Variants in ANKRD11 observed in about 807,000 individuals in gnomAD.
ANKRD11 encodes ankyrin repeat domain 11, also known as ankyrin repeat domain-containing protein 11.
ANKRD11 carries 17 observed loss-of-function variants against 195.7 expected under a neutral mutation model. That is an observed-to-expected ratio of 0.09 (90% CI 0.06 to 0.13). The LOEUF (loss-of-function observed/expected upper bound fraction) is 0.13. ANKRD11 is among the 10% of genes least tolerant of loss of function. The pLI is 1.00. For missense variants in ANKRD11, 3,735 were observed against 3,566.1 expected (o/e 1.05, Z -1.21); for synonymous variants, 1,953 against 1,528.1 (o/e 1.28, Z -6.49).
intron 4 of ANKRD11, chr16:89,301,354 T>C (rs996649167): frequency 1.0e-5 from 4 of 391,960 alleles, no homozygotes; most frequent in African/African-American, 2.1e-5. Flanking sequence ...AGATATCATA[T>C]AATTTAATAT....
At chr16:89,404,456 G>A (rs781639321) in intron 2 of ANKRD11, among the ~76,000 whole-genome samples, 39 of 152,306 alleles carry the variant, frequency 2.6e-4, no homozygotes, top group Non-Finnish European at 5.0e-4. Context: ...GCTTTTAAAG[G>A]ATTAATAGCC....
chr16:89,296,318 G>A (rs890342343), intron 4 of ANKRD11, among the ~76,000 whole-genome samples: 1 of 152,056 alleles, frequency 6.6e-6, no homozygotes, highest in Admixed American at 6.5e-5. Flanking sequence ...TGGAGCCACC[G>A]TCTCCCTGCC....
chr16:89,314,267 A>AAAC (rs911359361), intron 3 of ANKRD11, among the ~76,000 whole-genome samples: 11 of 146,958 alleles, frequency 7.5e-5, no homozygotes, highest in African/African-American at 2.7e-4. Flanking sequence ...ACAAACAAAC[A>AAAC]AACAACAACA....
At chr16:89,275,042 C>T in intron 10 of ANKRD11, 51 bp downstream of exon 10, 2 of 1,612,744 alleles carry the variant, frequency 1.2e-6, no homozygotes, top group Non-Finnish European at 1.7e-6. Flanking sequence ...GGGGCCTGCG[C>T]CGTGAAAAGC....
At chr16:89,293,515 G>A (rs970619336) in intron 4 of ANKRD11, among the ~76,000 whole-genome samples, 3 of 149,934 alleles carry the variant, frequency 2.0e-5, no homozygotes, top group African/African-American at 7.4e-5. Flanking sequence ...GCTGCAGAGC[G>A]AGGAGGCGGG....
At chr16:89,421,643 G>T (rs1224288856) in intron 1 of ANKRD11, among the ~76,000 whole-genome samples, 11 of 109,832 alleles carry the variant, frequency 1.0e-4, no homozygotes, top group African/African-American at 3.3e-4. Flanking sequence ...CTGGGGGCGG[G>T]GGTGAGACAC....
chr16:89,438,596 G>T (rs2043315166), intron 1 of ANKRD11, among the ~76,000 whole-genome samples: 1 of 152,100 alleles, frequency 6.6e-6, no homozygotes, highest in African/African-American at 2.4e-5. Flanking sequence ...GCCTCCCAAA[G>T]TGCTGGGATT....
intron 9 of ANKRD11, chr16:89,277,872 G>T (rs757365737): frequency 2.6e-5 from 4 of 155,582 alleles, no homozygotes; most frequent in Non-Finnish European, 4.3e-5. Flanking sequence ...TCACCAGGGG[G>T]GTGCTGGGTA....
At chr16:89,449,376 AAC>A (rs1197163799) in intron 1 of ANKRD11, among the ~76,000 whole-genome samples, 2 of 152,114 alleles carry the variant, frequency 1.3e-5, no homozygotes, top group African/African-American at 4.8e-5. Context: ...GAAAAAAAGA[AAC>A]ACAGACATGG....
Position 89,283,903 on chromosome 16 carries a change from G to A in ANKRD11, c.2639C>T (p.Thr880Met). The stretch of plus-strand genomic sequence containing the variant: ...CCTCTCCTTGCTGTCCTCCTTCACC[G>A]TCTCCAAGATGAGCTTGGCCACAGA... ...SDSVAKLILE[T>M]VKEDSKERRR... Residue 880 changes from threonine (T) to methionine (M), a missense_variant, in exon 9 of 13, where the codon ACG becomes ATG. Physicochemically the swap from Thr to Met is moderately conservative, Grantham distance 81. Transcript: ENST00000301030. This position sits in a 1 kb window ranked among gnomAD's most constrained non-coding sequence, Gnocchi z 4.3. 4 of 1,614,014 alleles carry A rather than the reference G, an allele frequency of 2.5e-6. No homozygotes were observed. Among genetic ancestry groups the A allele is most frequent in the South Asian group, 1.1e-5 (1 of 91,068 alleles).
chr16:89,477,448 T>C (rs976549762), intron 1 of ANKRD11, among the ~76,000 whole-genome samples: 1 of 151,912 alleles, frequency 6.6e-6, no homozygotes, highest in South Asian at 2.1e-4. Context: ...CTCCACCTCC[T>C]GGGTTCAACC....
chr16:89,454,285 C>CA (rs1384108718), intron 1 of ANKRD11, among the ~76,000 whole-genome samples: 1 of 152,126 alleles, frequency 6.6e-6, no homozygotes, highest in African/African-American at 2.4e-5. Context: ...GCCTGGGACA[C>CA]AGGGGCAGAT....
chr16:89,314,890 G>T (rs1437055827), intron 3 of ANKRD11, among the ~76,000 whole-genome samples: 1 of 152,146 alleles, frequency 6.6e-6, no homozygotes, highest in African/African-American at 2.4e-5. Flanking sequence ...CGCAGGCCAG[G>T]TTCACTCAGC....
chr16:89,466,655 T>G (rs1288023599), intron 1 of ANKRD11, among the ~76,000 whole-genome samples: 1 of 152,080 alleles, frequency 6.6e-6, no homozygotes, highest in African/African-American at 2.4e-5. Flanking sequence ...ATAATGAGGT[T>G]AAAAGAAATA....
chr16:89,347,236 C>G (rs1484037458), intron 2 of ANKRD11, among the ~76,000 whole-genome samples: 2 of 152,158 alleles, frequency 1.3e-5, no homozygotes, highest in Non-Finnish European at 2.9e-5. Flanking sequence ...GGCAGTGTAG[C>G]CTTGACAAGC....
chr16:89,409,347 A>T lies in ANKRD11; in HGVS notation c.-60+8937T>A, dbSNP rs980044543. ...AGCCACCAACACAACTCTGTTCAAG[A>T]TCCACCTATCAACAGGGGTGGGGTG... On this transcript the variant is annotated intron_variant, in intron 2 of 12. Coordinates refer to ENST00000301030, the MANE Select transcript of ANKRD11 (RefSeq NM_013275.6). 5.3e-5 allele frequency among the ~76,000 whole-genome samples: 8 copies of T among 152,156 alleles called. 1 individual carries two copies. The highest frequency in any genetic ancestry group is 4.6e-4 in the Admixed American group (7 of 15,282).
chr16:89,284,685 G>C lies in ANKRD11; in HGVS notation c.1857C>G (p.Val619=). 6.2e-7 allele frequency: 1 copy of C among 1,613,926 alleles called. No homozygotes were observed. The part of the protein sequence containing the change: ...SPFLSSAEGA[V]PKLDKEGKVV... ...CTTTCCCCTCCTTGTCCAGTTTGGGGACAGCGCCCTCCGCGCTGGACAGGA... is the reference window on the plus strand; with the variant it reads ...CTTTCCCCTCCTTGTCCAGTTTGGGCACAGCGCCCTCCGCGCTGGACAGGA... The change falls in exon 9 of 13, where the codon GTC becomes GTG. Residue 619 remains valine, a synonymous_variant. Coordinates refer to ENST00000301030, the MANE Select transcript of ANKRD11 (RefSeq NM_013275.6).
chr16:89,294,253 C>T (rs2035267427), intron 4 of ANKRD11, among the ~76,000 whole-genome samples: 1 of 152,146 alleles, frequency 6.6e-6, no homozygotes, highest in Non-Finnish European at 1.5e-5. Context: ...TGCTGCCAAC[C>T]TCCTGGTGAA....
chr16:89,285,965 CTG>C lies in ANKRD11; in HGVS notation c.892+72_892+73del, dbSNP rs2034616444. On this transcript the variant is annotated intron_variant, in intron 8 of 12. Coordinates refer to ENST00000301030, the MANE Select transcript of ANKRD11 (RefSeq NM_013275.6). This position sits in a 1 kb window ranked among gnomAD's most constrained non-coding sequence, Gnocchi z 5.6. ...GGAGGAGCTGATCAGAGGGGCAACA[CTG>C]TGCAAACACCACAGGGCAGCTCCTA... is the stretch of plus-strand genomic sequence containing the variant. 2.5e-6 allele frequency: 4 copies of C among 1,608,738 alleles called. No homozygotes were observed. The African/African-American group carries it at 4.0e-5, about 16-fold the overall frequency.
Sources: allele counts gnomAD v4.1 joint callset (sites outside exome capture counted in the v4.1 genomes callset), GRCh38; gene constraint gnomAD v4.1.1; non-coding constraint Gnocchi (gnomAD v3.1); transcripts MANE v1.5; gene names NCBI Gene and HGNC (gene_info 2026-07-23, HGNC 2026-07-21).